The following CLTC variants were observed in gnomAD, a reference collection of about 807,000 sequenced individuals.
CLTC encodes the protein clathrin heavy chain 1.
Under a neutral mutation model 195.8 loss-of-function variants are expected in CLTC, and 16 were observed. That is an observed-to-expected ratio of 0.08 (90% CI 0.06 to 0.12). CLTC has a LOEUF of 0.12. Ranked by LOEUF, CLTC falls within the 10% of genes least tolerant of loss-of-function variation. The pLI is 1.00. For missense variants in CLTC, 796 were observed against 2,027.0 expected, an observed-to-expected ratio of 0.39 and a Z score of 11.66; for synonymous variants, 667 against 689.4, an observed-to-expected ratio of 0.97 and a Z score of 0.51.
intron 1 of CLTC, among the ~76,000 whole-genome samples, chr17:59,641,494 G>A (rs375019897): frequency 2.0e-5 from 3 of 150,878 alleles, no homozygotes; most frequent in African/African-American, 7.3e-5. Context: ...CCAGCTACTC[G>A]GGAGGCTGAG....
intron 1 of CLTC, among the ~76,000 whole-genome samples, chr17:59,641,999 GTTTTTTTTTTT>G (rs398031234): frequency 7.8e-6 from 1 of 128,684 alleles, no homozygotes; most frequent in Non-Finnish European, 1.7e-5. Context: ...AATCTTTGTT[GTTTTTTTTTTT>G]TTTTTTTTTT....
Position 59,681,151 on chromosome 17 carries a change from A to G in CLTC, c.3065+94A>G, listed in dbSNP as rs1287201402. On this transcript the variant is annotated intron_variant, in intron 19 of 31. Coordinates refer to ENST00000269122, the MANE Select transcript of CLTC (RefSeq NM_004859.4). This position sits in a 1 kb window ranked among gnomAD's most constrained non-coding sequence, Gnocchi z 5.0. ...GGGAAGGAACAAAAAGATCAGAGAA[A>G]GTTGCCTGAATTCTCACTCTTCTAA... The G allele has an allele frequency of 6.7e-7, 1 of 1,497,470 alleles. No homozygotes were observed. The highest frequency in any genetic ancestry group is 2.3e-5 in the East Asian group (1 of 44,104). 92.8% of individuals were successfully genotyped at this position (1,497,470 alleles called of 1,614,324 possible). A position where few individuals can be genotyped will look rare whatever the true frequency, so the allele number is the denominator to read the frequency against.
In CLTC at chr17:59,662,174, A is replaced by G. The variant is rs527572818; in HGVS notation, c.1368+531A>G. Among the ~76,000 whole-genome samples, 7 of 152,122 alleles carry G rather than the reference A, an allele frequency of 4.6e-5. No homozygotes were observed. The South Asian group carries it at 1.4e-3, about 32-fold the overall frequency. On this transcript the variant is annotated intron_variant, in intron 8 of 31. Coordinates refer to ENST00000269122, the MANE Select transcript of CLTC (RefSeq NM_004859.4). ...AATTAGCAATGAGATACTGTTTCCC[A>G]GAGATTTCACAGAATGTTAGTTGGT...
intron 17 of CLTC, among the ~76,000 whole-genome samples, chr17:59,678,015 A>T (rs1230200805): frequency 6.6e-6 from 1 of 152,114 alleles, no homozygotes; most frequent in Admixed American, 6.5e-5. Context: ...GCCCCTGACA[A>T]CCACCAGACT....
chr17:59,687,894 G>A (rs749948168), intron 30 of CLTC, among the ~76,000 whole-genome samples: 13 of 152,048 alleles, frequency 8.5e-5, no homozygotes, highest in South Asian at 2.1e-4. Flanking sequence ...ACAAACTTAC[G>A]TCTGTTATCA....
chr17:59,681,149 A>C lies in CLTC; in HGVS notation c.3065+92A>C. The stretch of plus-strand genomic sequence containing the variant: ...TTGGGAAGGAACAAAAAGATCAGAG[A>C]AAGTTGCCTGAATTCTCACTCTTCT... On this transcript the variant is annotated intron_variant, in intron 19 of 31. Coordinates refer to ENST00000269122, the MANE Select transcript of CLTC (RefSeq NM_004859.4). This position sits in a 1 kb window ranked among gnomAD's most constrained non-coding sequence, Gnocchi z 5.0. 6.6e-7 allele frequency: 1 copy of C among 1,504,980 alleles called. No homozygotes were observed. The highest frequency in any genetic ancestry group is 9.0e-7 in the Non-Finnish European group (1 of 1,111,030). The allele number at this position is 1,504,980 out of a possible 1,614,324, so 93.2% of individuals were successfully genotyped here. A position where few individuals can be genotyped will look rare whatever the true frequency, so the allele number is the denominator to read the frequency against.
chr17:59,684,012 A>G, intron 28 of CLTC, 27 bp downstream of exon 28: 1 of 1,353,326 alleles, frequency 7.4e-7, no homozygotes, highest in Non-Finnish European at 1.1e-6. Context: ...CTTGCACATA[A>G]TCTCAAGACT....
chr17:59,640,385 T>C (rs1408680061), intron 1 of CLTC, among the ~76,000 whole-genome samples: 32 of 151,608 alleles, frequency 2.1e-4, no homozygotes. Flanking sequence ...TCTTAGCCAA[T>C]ACGGTCACTT....
intron 4 of CLTC, among the ~76,000 whole-genome samples, chr17:59,650,892 C>T (rs1230186675): frequency 6.6e-6 from 1 of 152,160 alleles, no homozygotes; most frequent in African/African-American, 2.4e-5. Context: ...TCACACCATC[C>T]CTAGCTCCTG....
chr17:59,668,979 C>T, intron 14 of CLTC, 39 bp downstream of exon 14: 4 of 1,565,124 alleles, frequency 2.6e-6, no homozygotes, highest in Non-Finnish European at 3.5e-6. Flanking sequence ...GGTTGGATTC[C>T]AGGTTAGCAG....
At chr17:59,680,390 T>A (rs536510024) in intron 18 of CLTC, among the ~76,000 whole-genome samples, 7 of 152,334 alleles carry the variant, frequency 4.6e-5, no homozygotes, top group South Asian at 4.1e-4. Context: ...GAGTCTTAAA[T>A]TCTCCTGAGA....
intron 1 of CLTC, among the ~76,000 whole-genome samples, chr17:59,625,170 T>C (rs1389578118): frequency 6.6e-6 from 1 of 151,946 alleles, no homozygotes; most frequent in Non-Finnish European, 1.5e-5. Flanking sequence ...AGTGCAATGG[T>C]GGATCTCGGC....
At chr17:59,667,718 G>C (rs2032762879) in intron 13 of CLTC, among the ~76,000 whole-genome samples, 1 of 152,172 alleles carries the variant, frequency 6.6e-6, no homozygotes, top group Non-Finnish European at 1.5e-5. Flanking sequence ...AGTAGCGTCA[G>C]CTCCACCAGT....
At chr17:59,676,090 C>T (rs997826314) in intron 16 of CLTC, among the ~76,000 whole-genome samples, 12 of 152,182 alleles carry the variant, frequency 7.9e-5, no homozygotes, top group Non-Finnish European at 1.5e-4. Context: ...CCTGTAGTCC[C>T]AGCTTCTGGG....
intron 1 of CLTC, among the ~76,000 whole-genome samples, chr17:59,626,341 G>A (rs1820026867): frequency 6.6e-6 from 1 of 152,046 alleles, no homozygotes; most frequent in African/African-American, 2.4e-5. Flanking sequence ...CTCTGAAACT[G>A]CCCCCCAAAA....
At chr17:59,638,034 G>T in intron 1 of CLTC, among the ~76,000 whole-genome samples, 1 of 136,954 alleles carries the variant, frequency 7.3e-6, no homozygotes, top group Non-Finnish European at 1.5e-5. Context: ...TAAGCACCCA[G>T]AGACCACTAA....
Position 59,679,392 on chromosome 17 carries a change from T to C in CLTC, c.2797-5T>C, listed in dbSNP as rs1290216587. 2.1e-5 allele frequency: 34 copies of C among 1,597,310 alleles called. No individual in the cohort carries two copies. Among genetic ancestry groups the C allele is most frequent in the Non-Finnish European group, 2.9e-5 (34 of 1,170,650 alleles). ...CTTGAAATTAATCTATCATATCTTC[T>C]TTAGGTTTGCAATGAGAATTCCCTC... is the stretch of plus-strand genomic sequence containing the variant. On this transcript the variant is annotated splice_polypyrimidine_tract_variant and splice_region_variant and intron_variant, in intron 17 of 31. Coordinates refer to ENST00000269122, the MANE Select transcript of CLTC (RefSeq NM_004859.4).
In CLTC at chr17:59,686,192, G is replaced by A. The variant is rs555224819; in HGVS notation, c.4827+384G>A. Among the ~76,000 whole-genome samples the A allele has an allele frequency of 4.0e-4, 61 of 151,886 alleles. 2 individuals carry two copies. In the South Asian group the frequency reaches 0.012, roughly 31 times the overall value. ...CCTGACTTTAATGATGTCTATGCCT[G>A]TTTCCCCTGGGGAAGCTGCATGTAT... On this transcript the variant is annotated intron_variant, in intron 30 of 31. Coordinates refer to ENST00000269122, the MANE Select transcript of CLTC (RefSeq NM_004859.4).
In CLTC at chr17:59,694,242, G is replaced by A. The variant is rs1042607098; in HGVS notation, c.*390G>A. On this transcript the variant is annotated 3_prime_UTR_variant, in exon 32 of 32. Transcript: ENST00000269122. ...GTGTATGTAAACAGCTTACAAATAC[G>A]TATTGTCTAAATGCATTTAAATCTG... 1.4e-4 allele frequency: 30 copies of A among 219,290 alleles called. No individual in the cohort carries two copies. The highest frequency in any genetic ancestry group is 1.3e-3 in the Admixed American group (23 of 17,422). The allele number at this position is 219,290 out of a possible 1,614,324, so 13.6% of individuals were successfully genotyped here.
Sources: allele counts gnomAD v4.1 joint callset (sites outside exome capture counted in the v4.1 genomes callset), GRCh38; gene constraint gnomAD v4.1.1; non-coding constraint Gnocchi (gnomAD v3.1); transcripts MANE v1.5; gene names NCBI Gene and HGNC (gene_info 2026-07-23, HGNC 2026-07-21).